Variants in PAXIP1 observed in about 807,000 individuals in gnomAD.
PAXIP1 encodes the protein PAX interacting protein 1, also known as PAX-interacting protein 1.
Under a neutral mutation model 140.6 loss-of-function variants are expected in PAXIP1, and 19 were observed. The observed-to-expected ratio is 0.14, with a 90% CI of 0.09 to 0.20. The LOEUF (loss-of-function observed/expected upper bound fraction) is 0.20. Ranked by LOEUF, PAXIP1 falls within the 10% of genes least tolerant of loss-of-function variation. The pLI is 1.00. For missense variants in PAXIP1, 920 were observed against 1,208.6 expected (o/e 0.76, Z 3.54); for synonymous variants, 442 against 444.6 (o/e 0.99, Z 0.07).
chr7:154,955,246 A>G (rs2150744804), intron 15 of PAXIP1, among the ~76,000 whole-genome samples: 1 of 152,344 alleles, frequency 6.6e-6, no homozygotes, highest in Non-Finnish European at 1.5e-5. Context: ...TACGACACAG[A>G]AGGAGACTTG....
intron 7 of PAXIP1, 146 bp downstream of exon 7, chr7:154,968,257 T>C (rs1809113329): frequency 3.0e-6 from 2 of 673,562 alleles, no homozygotes; most frequent in Non-Finnish European, 5.0e-6. Context: ...ATGGTAACTA[T>C]ATTCTTTGTT....
At position 154,959,871 on chromosome 7, in the gene PAXIP1, G is replaced by T; in HGVS notation, c.2478+19C>A. On this transcript the variant is annotated intron_variant, in intron 13 of 20. Transcript: ENST00000404141. The stretch of plus-strand genomic sequence containing the variant: ...AATAATACAGTAATAGCCAAGGTAA[G>T]GTTATTAATTTGACATACCATCAAC... The T allele has an allele frequency of 6.5e-7, 1 of 1,540,488 alleles. No individual in the cohort carries two copies.
intron 12 of PAXIP1, 79 bp downstream of exon 12, chr7:154,960,814 A>C: frequency 2.0e-6 from 2 of 1,007,232 alleles, no homozygotes; most frequent in Non-Finnish European, 2.8e-6. Flanking sequence ...CCTGGTAATT[A>C]GTATGAATAA....
At chr7:154,955,826 GACT>G in intron 14 of PAXIP1, among the ~76,000 whole-genome samples, 195 bp from the exon 15 acceptor site, 1 of 152,220 alleles carries the variant, frequency 6.6e-6, no homozygotes. Context: ...TTCCAAAAAA[GACT>G]ACCTTTGAAG....
At chr7:154,995,692 A>C (rs900471466) in intron 2 of PAXIP1, among the ~76,000 whole-genome samples, 1 of 152,164 alleles carries the variant, frequency 6.6e-6, no homozygotes, top group South Asian at 2.1e-4. Flanking sequence ...TCTACTAAAA[A>C]CACAAAAGTT....
intron 6 of PAXIP1, chr7:154,974,329 G>A (rs1364021647): frequency 1.3e-5 from 2 of 152,228 alleles, no homozygotes; most frequent in African/African-American, 4.8e-5. Context: ...TTTACACAGA[G>A]TGCATCTCAC....
rs1024057366 is a variant in PAXIP1 at position 154,983,291 on chromosome 7, C to T, written c.366G>A (p.Thr122=). The T allele has an allele frequency of 1.2e-5, 19 of 1,612,224 alleles. No homozygotes were observed. Among genetic ancestry groups the T allele is most frequent in the African/African-American group, 1.1e-4 (8 of 74,872 alleles). ...EDRSALWALV[T]FYGGDCQLTL... ...TTAGCTGGCAATCTCCCCCATAGAACGTAACCAAAGCCCACAGGGCACTTC... is the reference window on the plus strand; with the variant it reads ...TTAGCTGGCAATCTCCCCCATAGAATGTAACCAAAGCCCACAGGGCACTTC... The change falls in exon 5 of 21, where the codon ACG becomes ACA. Residue 122 remains threonine (T), a synonymous_variant. Transcript: ENST00000404141.
intron 6 of PAXIP1, among the ~76,000 whole-genome samples, chr7:154,971,775 A>G (rs893382304): frequency 2.0e-5 from 3 of 152,190 alleles, no homozygotes; most frequent in Non-Finnish European, 1.5e-5. Flanking sequence ...AACCACTATA[A>G]ATTTGCAATT....
chr7:154,971,588 CG>C (rs1476748139), intron 6 of PAXIP1, among the ~76,000 whole-genome samples: 1 of 152,164 alleles, frequency 6.6e-6, no homozygotes, highest in Non-Finnish European at 1.5e-5. Flanking sequence ...TCCTGGAGAA[CG>C]TAAGAAAAAG....
At chr7:154,976,539 G>A (rs891651809) in intron 5 of PAXIP1, among the ~76,000 whole-genome samples, 11 of 152,224 alleles carry the variant, frequency 7.2e-5, no homozygotes, top group African/African-American at 2.7e-4. Flanking sequence ...AGTGATCATA[G>A]GAAGGTCTCA....
intron 5 of PAXIP1, among the ~76,000 whole-genome samples, chr7:154,982,682 G>C (rs973168421): frequency 1.3e-5 from 2 of 152,158 alleles, no homozygotes; most frequent in African/African-American, 2.4e-5. Context: ...GTCCCCAAGG[G>C]GGGCAGATGC....
chr7:154,966,467 T>G (rs987087748), intron 8 of PAXIP1, among the ~76,000 whole-genome samples: 1 of 152,226 alleles, frequency 6.6e-6, no homozygotes, highest in East Asian at 1.9e-4. Context: ...TTGCCTTCAT[T>G]TTCTCTGTTC....
chr7:154,973,263 G>A lies in PAXIP1; in HGVS notation c.1074+2433C>T, dbSNP rs919451647. ...GTCAGTGGCAGGCCTGTTTTCCTCC[G>A]GGACCCAACAAGGTGACATGGAGCG... is the stretch of plus-strand genomic sequence containing the variant. On this transcript the variant is annotated intron_variant, in intron 6 of 20. Coordinates refer to ENST00000404141, the MANE Select transcript of PAXIP1 (RefSeq NM_007349.4). The surrounding 1 kb of genome is among the most constrained non-coding windows in gnomAD (Gnocchi z 4.0). Among the ~76,000 whole-genome samples the A allele has an allele frequency of 3.3e-5, 5 of 151,936 alleles. No individual in the cohort carries two copies. The highest frequency in any genetic ancestry group is 1.9e-4 in the East Asian group (1 of 5,170).
At chr7:155,001,564 C>T (rs926789318) in intron 1 of PAXIP1, 6 of 150,334 alleles carry the variant, frequency 4.0e-5, no homozygotes, top group African/African-American at 1.5e-4. Flanking sequence ...GTGGCGCGAT[C>T]TCGGCTCACT....
intron 5 of PAXIP1, among the ~76,000 whole-genome samples, chr7:154,979,453 T>C (rs1012053653): frequency 2.0e-5 from 3 of 152,112 alleles, no homozygotes; most frequent in African/African-American, 7.2e-5. Context: ...AACTTACAAA[T>C]TAGAAGAAAC....
chr7:154,989,356 G>T (rs1810215828), intron 4 of PAXIP1, among the ~76,000 whole-genome samples: 1 of 152,176 alleles, frequency 6.6e-6, no homozygotes, highest in Admixed American at 6.5e-5. Flanking sequence ...ATAAGGAAAA[G>T]CAAGATTATA....
intron 13 of PAXIP1, among the ~76,000 whole-genome samples, chr7:154,959,504 G>A (rs2150748915): frequency 6.6e-6 from 1 of 152,342 alleles, no homozygotes; most frequent in Non-Finnish European, 1.5e-5. Context: ...TGAGAATGCA[G>A]AAAGCACCTC....
At chr7:154,947,001 T>C (rs1234404023) in intron 17 of PAXIP1, 188 bp from the exon 18 acceptor site, 8 of 501,830 alleles carry the variant, frequency 1.6e-5, no homozygotes, top group African/African-American at 9.7e-5. Flanking sequence ...AAATTTGGAA[T>C]GTAAGCATTT....
At chr7:154,993,252 T>G (rs1036450154) in intron 3 of PAXIP1, among the ~76,000 whole-genome samples, 1 of 152,194 alleles carries the variant, frequency 6.6e-6, no homozygotes, top group Non-Finnish European at 1.5e-5. Flanking sequence ...AGAAATGGTC[T>G]TCTTCACCCC....
Sources: allele counts gnomAD v4.1 joint callset (sites outside exome capture counted in the v4.1 genomes callset), GRCh38; gene constraint gnomAD v4.1.1; non-coding constraint Gnocchi (gnomAD v3.1); transcripts MANE v1.5; gene names NCBI Gene and HGNC (gene_info 2026-07-23, HGNC 2026-07-21).